Variants in DNAI7 observed in about 807,000 individuals in gnomAD.
The protein encoded by DNAI7 is dynein axonemal intermediate chain 7, also known as cancer susceptibility 1.
DNAI7 carries 78 observed loss-of-function variants against 86.6 expected under a neutral mutation model. That is an observed-to-expected ratio of 0.90 (90% CI 0.75 to 1.09). The LOEUF (loss-of-function observed/expected upper bound fraction) is 1.09, where lower values mean the gene tolerates loss of function less well. Among genes scored for constraint, DNAI7 ranks in the 50% least tolerant of loss-of-function variants. DNAI7 has a pLI of 0.00. For synonymous variants in DNAI7, 274 were observed against 273.0 expected (o/e 1.00, Z -0.04); for missense variants, 753 against 810.2 (o/e 0.93, Z 0.86).
chr12:25,135,553 G>A (rs1235234841), intron 9 of DNAI7, among the ~76,000 whole-genome samples: 1 of 152,142 alleles, frequency 6.6e-6, no homozygotes, highest in African/African-American at 2.4e-5. Context: ...CAGCGGGGAG[G>A]GCAGGGCAGC....
At position 25,119,316 on chromosome 12, in the gene DNAI7, CA is replaced by C. The variant is rs1940812123; in HGVS notation, c.1240-16del. The stretch of plus-strand genomic sequence containing the variant: ...TCTTTGAGTATCTTTTTAAAATGAC[CA>C]AAACAACATCAAGTTAGTTGACTGG... On this transcript the variant is annotated splice_polypyrimidine_tract_variant and intron_variant, in intron 11 of 15. Coordinates refer to ENST00000395987, the MANE Select transcript of DNAI7 (RefSeq NM_018272.5). The C allele has an allele frequency of 6.4e-7, 1 of 1,571,218 alleles. No homozygotes were observed.
intron 12 of DNAI7, among the ~76,000 whole-genome samples, chr12:25,116,928 T>C (rs988502919): frequency 6.6e-6 from 1 of 152,132 alleles, no homozygotes; most frequent in African/African-American, 2.4e-5. Context: ...ATTTACTAGG[T>C]TTTTTAACTT....
chr12:25,152,017 T>A (rs1471582746), intron 6 of DNAI7, among the ~76,000 whole-genome samples: 1 of 152,188 alleles, frequency 6.6e-6, no homozygotes, highest in Non-Finnish European at 1.5e-5. Context: ...AGTAGTGAAT[T>A]CCTTCTAGTT....
intron 9 of DNAI7, among the ~76,000 whole-genome samples, chr12:25,138,009 AAAAAC>A (rs1262300387): frequency 1.6e-4 from 24 of 152,148 alleles, no homozygotes; most frequent in African/African-American, 5.3e-4. Context: ...ATGGAAAAAA[AAAAAC>A]AAAACAAAAC....
At chr12:25,123,494 G>A (rs1023138960) in intron 9 of DNAI7, among the ~76,000 whole-genome samples, 2 of 152,194 alleles carry the variant, frequency 1.3e-5, no homozygotes, top group African/African-American at 2.4e-5. Flanking sequence ...ACAAGGGCAA[G>A]AGGTTACCCT....
At chr12:25,159,368 T>A (rs1223476455) in intron 3 of DNAI7, among the ~76,000 whole-genome samples, 1 of 150,772 alleles carries the variant, frequency 6.6e-6, no homozygotes, top group Admixed American at 6.6e-5. Context: ...ATTTAAAACA[T>A]CCATCATCTC....
chr12:25,154,772 C>G (rs1945960152), intron 5 of DNAI7, among the ~76,000 whole-genome samples: 3 of 152,104 alleles, frequency 2.0e-5, no homozygotes, highest in Non-Finnish European at 2.9e-5. Flanking sequence ...TTGCAAAGGC[C>G]AACACTTAGG....
At chr12:25,127,151 C>G (rs1177688903) in intron 9 of DNAI7, among the ~76,000 whole-genome samples, 1 of 152,204 alleles carries the variant, frequency 6.6e-6, no homozygotes, top group African/African-American at 2.4e-5. Flanking sequence ...AACTTACATT[C>G]TAGCACAAGC....
chr12:25,167,520 A>G (rs1223014403), intron 2 of DNAI7, among the ~76,000 whole-genome samples: 2 of 151,878 alleles, frequency 1.3e-5, no homozygotes, highest in Non-Finnish European at 2.9e-5. Context: ...TCTCCACCAT[A>G]CTATCAACTT....
At chr12:25,119,054 G>A (rs1940750557) in intron 12 of DNAI7, 91 bp downstream of exon 12, 2 of 985,140 alleles carry the variant, frequency 2.0e-6, no homozygotes, top group Non-Finnish European at 1.5e-6. Flanking sequence ...ATGTAAGATA[G>A]TAAGCTCAGT....
intron 13 of DNAI7, among the ~76,000 whole-genome samples, chr12:25,112,673 T>A (rs1453003267): frequency 6.6e-6 from 1 of 152,176 alleles, no homozygotes; most frequent in African/African-American, 2.4e-5. Context: ...CCTAAAGCGC[T>A]GGGATTACAG....
rs774591324 is a variant in DNAI7, at chr12:25,144,641, T to A, written c.726A>T (p.Gly242=). The change falls in exon 9 of 16, where the codon GGA becomes GGT. Residue 242 remains glycine (G), a synonymous_variant. Transcript: ENST00000395987. ...TTGCTAATATCCTTGGAATCTCAAA[T>A]CCAATTTGTGTTTCAGAGAATCTAA... ...RSVRFSETQI[G]FEIPRILATS... 1 of 1,613,804 alleles carries A rather than the reference T, an allele frequency of 6.2e-7. No individual in the cohort carries two copies. The highest frequency in any genetic ancestry group is 2.2e-5 in the East Asian group (1 of 44,886).
intron 9 of DNAI7, among the ~76,000 whole-genome samples, chr12:25,129,475 T>C (rs1311027738): frequency 6.6e-6 from 1 of 152,198 alleles, no homozygotes. Context: ...ACTGAAAACA[T>C]ACATTTGTGG....
At chr12:25,157,171 G>A (rs890101683) in intron 4 of DNAI7, among the ~76,000 whole-genome samples, 1 of 151,390 alleles carries the variant, frequency 6.6e-6, no homozygotes, top group Non-Finnish European at 1.5e-5. Flanking sequence ...CCAGCTACTC[G>A]GGAGGCTGAG....
chr12:25,175,539 G>T (rs1028783772), intron 2 of DNAI7, among the ~76,000 whole-genome samples: 2 of 151,706 alleles, frequency 1.3e-5, no homozygotes, highest in Non-Finnish European at 2.9e-5. Flanking sequence ...GTAGAGATGA[G>T]GTTTTACCAT....
chr12:25,182,875 G>C (rs180952481), intron 2 of DNAI7, among the ~76,000 whole-genome samples: 105 of 151,826 alleles, frequency 6.9e-4, no homozygotes, highest in African/African-American at 2.4e-3. Context: ...TGTAAGCCAA[G>C]ATCATGCCAC....
intron 9 of DNAI7, among the ~76,000 whole-genome samples, chr12:25,142,885 G>T (rs572241897): frequency 4.9e-4 from 75 of 152,164 alleles, no homozygotes; most frequent in Admixed American, 9.8e-4. Context: ...TAAGTCACAT[G>T]GTCATGCCTA....
At chr12:25,192,423 T>C (rs1221809656) in intron 1 of DNAI7, among the ~76,000 whole-genome samples, 3 of 152,226 alleles carry the variant, frequency 2.0e-5, no homozygotes, top group Non-Finnish European at 2.9e-5. Context: ...ATAAGAATCA[T>C]ATGGGAAGCT....
intron 9 of DNAI7, among the ~76,000 whole-genome samples, chr12:25,141,835 A>G (rs950261682): frequency 7.0e-5 from 5 of 71,586 alleles, no homozygotes; most frequent in Non-Finnish European, 1.7e-4. Context: ...GTCTCAAAAA[A>G]AGAAAAAAAA....
Sources: allele counts gnomAD v4.1 joint callset (sites outside exome capture counted in the v4.1 genomes callset), GRCh38; gene constraint gnomAD v4.1.1; transcripts MANE v1.5; gene names NCBI Gene and HGNC (gene_info 2026-07-23, HGNC 2026-07-21).